RB1: variants seen among roughly 807,000 people sequenced by gnomAD.
RB1 encodes retinoblastoma-associated protein.
In RB1, 18 loss-of-function variants were observed where a neutral mutation model predicts 135.4. The observed-to-expected ratio is 0.13, with a 90% CI of 0.09 to 0.20. The LOEUF is 0.20. Ranked by LOEUF, RB1 falls within the 10% of genes least tolerant of loss-of-function variation. RB1 has a pLI of 1.00. For synonymous variants in RB1, 365 were observed against 373.2 expected (o/e 0.98, Z 0.25); for missense variants, 868 against 1,110.0 (o/e 0.78, Z 3.10).
intron 20 of RB1, among the ~76,000 whole-genome samples, chr13:48,462,973 G>A (rs1949415203): frequency 6.6e-6 from 1 of 152,276 alleles, no homozygotes; most frequent in East Asian, 1.9e-4. Flanking sequence ...GGACTACACT[G>A]TACACTTGGC....
At chr13:48,462,929 T>C (rs1459904858) in intron 20 of RB1, among the ~76,000 whole-genome samples, 1 of 151,692 alleles carries the variant, frequency 6.6e-6, no homozygotes, top group East Asian at 1.9e-4. Context: ...CAATTCTGTT[T>C]CATATGAGAT....
At chr13:48,444,695 T>G (rs1448138947) in intron 17 of RB1, 1 of 152,238 alleles carries the variant, frequency 6.6e-6, no homozygotes, top group Non-Finnish European at 1.5e-5. Flanking sequence ...CCAGAAGCTC[T>G]CCTAATCCAG....
intron 2 of RB1, among the ~76,000 whole-genome samples, chr13:48,321,966 T>G (rs188491742): frequency 7.5e-4 from 114 of 152,340 alleles, no homozygotes; most frequent in Non-Finnish European, 1.5e-3. Flanking sequence ...CTGGATCCTT[T>G]GTTGGATGTA....
chr13:48,403,168 GCAGT>G (rs1440280163), intron 17 of RB1, among the ~76,000 whole-genome samples: 2 of 152,132 alleles, frequency 1.3e-5, no homozygotes, highest in Non-Finnish European at 2.9e-5. Flanking sequence ...TTTTTTAGCA[GCAGT>G]CAAAGGGCTT....
chr13:48,353,942 C>T (rs1028812652), intron 6 of RB1, among the ~76,000 whole-genome samples: 12 of 152,090 alleles, frequency 7.9e-5, no homozygotes, highest in Admixed American at 2.6e-4. Flanking sequence ...CATACCTTAA[C>T]GTAATAAAAG....
chr13:48,411,976 G>T, intron 17 of RB1: 1 of 1,602,730 alleles, frequency 6.2e-7, no homozygotes, highest in Non-Finnish European at 8.5e-7. Context: ...AAAACGGCGG[G>T]TGCACTTCCT....
intron 2 of RB1, chr13:48,320,143 T>G: frequency 1.3e-6 from 1 of 798,736 alleles, no homozygotes; most frequent in South Asian, 1.7e-5. Context: ...CGGGCCAAAG[T>G]CTGCAGTTTC....
intron 2 of RB1, chr13:48,328,282 C>T (rs1952304745): frequency 1.3e-6 from 2 of 1,587,964 alleles, no homozygotes; most frequent in African/African-American, 2.7e-5. Flanking sequence ...TCATTAAAAG[C>T]TGCTGCTACT....
Position 48,322,227 on chromosome 13 carries a change from C to T in RB1, c.264+14821C>T, listed in dbSNP as rs1312550491. Reference sequence around the variant, plus strand: ...TGTCCACCTGTGTTGTGGCAAGTGACAGGATCACCTTTCTTTTTATGGCTG... The same window carrying T: ...TGTCCACCTGTGTTGTGGCAAGTGATAGGATCACCTTTCTTTTTATGGCTG... On this transcript the variant is annotated intron_variant, in intron 2 of 26. Coordinates refer to ENST00000267163, the MANE Select transcript of RB1 (RefSeq NM_000321.3). Among the ~76,000 whole-genome samples the T allele has an allele frequency of 6.6e-5, 10 of 152,140 alleles. 1 individual carries two copies. Among genetic ancestry groups the T allele is most frequent in the Admixed American group, 6.5e-4 (10 of 15,276 alleles).
chr13:48,463,910 C>A (rs570859816), intron 21 of RB1, 75 bp downstream of exon 21: 4 of 888,316 alleles, frequency 4.5e-6, no homozygotes, highest in African/African-American at 3.3e-5. Flanking sequence ...CATTTGATCT[C>A]ATTTATTCAT....
At position 48,376,931 on chromosome 13, in the gene RB1, A is replaced by T; in HGVS notation, c.1229A>T (p.Asn410Ile). 6.2e-7 allele frequency: 1 copy of T among 1,613,712 alleles called. No homozygotes were observed. The highest frequency in any genetic ancestry group is 8.5e-7 in the Non-Finnish European group (1 of 1,179,828). The change falls in exon 13 of 27, where the codon AAT (asparagine) becomes ATT (isoleucine). Residue 410 changes from asparagine to isoleucine, a missense_variant. This residue lies in a region of RB1 where 641 missense variants were observed against 791.3 expected (regional missense o/e 0.81). Transcript: ENST00000267163. ...TACCTCCTAAAGAACTGCACAGTGA[A>T]TCCAAAAGAAAGTATACTGAAAAGA... Reference protein sequence around the residue: ...LISYFNNCTVNPKESILKRVK... With the variant: ...LISYFNNCTVIPKESILKRVK...
intron 17 of RB1, chr13:48,444,715 T>C (rs992175013): frequency 1.3e-5 from 2 of 152,188 alleles, no homozygotes; most frequent in South Asian, 4.1e-4. Flanking sequence ...GTTTTTATGA[T>C]GTCAGCATTG....
chr13:48,390,247 A>C (rs1263625787), intron 17 of RB1, among the ~76,000 whole-genome samples: 1 of 152,200 alleles, frequency 6.6e-6, no homozygotes, highest in Non-Finnish European at 1.5e-5. Context: ...AGTTGAACGT[A>C]ATGAATTTAA....
intron 25 of RB1, 99 bp downstream of exon 25, chr13:48,476,942 C>A (rs2138360114): frequency 2.0e-6 from 3 of 1,464,428 alleles, no homozygotes; most frequent in Non-Finnish European, 9.5e-7. Context: ...TTCTTTCATG[C>A]CAAGTTTATT....
At chr13:48,458,789 G>C (rs1418178265) in intron 19 of RB1, among the ~76,000 whole-genome samples, 2 of 152,114 alleles carry the variant, frequency 1.3e-5, no homozygotes, top group Non-Finnish European at 2.9e-5. Context: ...CAATTTTATG[G>C]ATTCCTTTTT....
intron 2 of RB1, among the ~76,000 whole-genome samples, chr13:48,334,528 A>G (rs139405504): frequency 8.2e-4 from 125 of 152,312 alleles, no homozygotes; most frequent in African/African-American, 2.4e-3. Context: ...GCGTAAGGAT[A>G]TATCTTTTGA....
chr13:48,474,158 C>T (rs754546618), intron 24 of RB1, among the ~76,000 whole-genome samples: 4 of 152,152 alleles, frequency 2.6e-5, no homozygotes, highest in Non-Finnish European at 5.9e-5. Context: ...CTCCAAAGAT[C>T]TCCCAACCTT....
chr13:48,376,499 CAAAAAAAA>C (rs751662834), intron 12 of RB1, among the ~76,000 whole-genome samples: 1 of 65,928 alleles, frequency 1.5e-5, no homozygotes, highest in East Asian at 5.5e-4. Context: ...CACTTCATCT[CAAAAAAAA>C]AAAAAAAAAA....
rs552929213 is a variant in RB1 at position 48,303,805 on chromosome 13, T to C, written c.-108T>C. On this transcript the variant is annotated 5_prime_UTR_variant, in exon 1 of 27. Coordinates refer to ENST00000267163, the MANE Select transcript of RB1 (RefSeq NM_000321.3). ...TTTTTCTCAGGGGACGTTGAAATTA[T>C]TTTTGTAACGGGAGTCGGGAGAGGA... 4 of 1,435,094 alleles carry C rather than the reference T, an allele frequency of 2.8e-6. No homozygotes were observed. In the African/African-American group the frequency reaches 6.0e-5, roughly 21 times the overall value. The allele number at this position is 1,435,094 out of a possible 1,614,324, so 88.9% of individuals were successfully genotyped here. A position where few individuals can be genotyped will look rare whatever the true frequency, so the allele number is the denominator to read the frequency against.
Sources: allele counts gnomAD v4.1 joint callset (sites outside exome capture counted in the v4.1 genomes callset), GRCh38; gene constraint gnomAD v4.1.1; regional missense constraint gnomAD v4.1.1; transcripts MANE v1.5; gene names NCBI Gene and HGNC (gene_info 2026-07-23, HGNC 2026-07-21).